Variants in ELMO1 observed in about 807,000 individuals in gnomAD.
ELMO1 encodes engulfment and cell motility 1.
Under a neutral mutation model 98.9 loss-of-function variants are expected in ELMO1, and 26 were observed. That is an observed-to-expected ratio of 0.26 (90% CI 0.19 to 0.36). ELMO1 has a LOEUF of 0.36. Ranked by LOEUF, ELMO1 falls within the 10% of genes least tolerant of loss-of-function variation. The pLI is 1.00. For synonymous variants in ELMO1, 346 were observed against 346.0 expected, an observed-to-expected ratio of 1.00 and a Z score of 0.00; for missense variants, 627 against 935.2, an observed-to-expected ratio of 0.67 and a Z score of 4.30.
chr7:36,858,686 G>A (rs763843845), intron 21 of ELMO1, among the ~76,000 whole-genome samples: 1 of 151,764 alleles, frequency 6.6e-6, no homozygotes, highest in Non-Finnish European at 1.5e-5. Context: ...CAGAGTCAGA[G>A]AAGTGAGAGG....
intron 2 of ELMO1, among the ~76,000 whole-genome samples, chr7:37,319,600 G>T (rs138834216): frequency 6.6e-6 from 1 of 152,164 alleles, no homozygotes; most frequent in East Asian, 1.9e-4. Flanking sequence ...CTTCCCTAGC[G>T]AATCAACCCA....
intron 15 of ELMO1, among the ~76,000 whole-genome samples, chr7:37,090,340 A>G (rs1028419156): frequency 6.6e-5 from 10 of 152,188 alleles, no homozygotes; most frequent in African/African-American, 1.7e-4. Flanking sequence ...AGTCTGTCAC[A>G]CCCAGAAAAT....
intron 4 of ELMO1, among the ~76,000 whole-genome samples, chr7:37,292,652 TGA>T (rs1384405986): frequency 9.1e-6 from 1 of 110,058 alleles, no homozygotes; most frequent in Non-Finnish European, 2.1e-5. Flanking sequence ...GTCTGAGAAG[TGA>T]GGAGCCCCTC....
At chr7:37,256,749 AGG>A (rs1795684291) in intron 6 of ELMO1, among the ~76,000 whole-genome samples, 2 of 66,594 alleles carry the variant, frequency 3.0e-5, no homozygotes, top group Non-Finnish European at 5.3e-5. Flanking sequence ...AGGGAAGGGA[AGG>A]GAAGGGAAGG....
At chr7:37,429,029 G>A (rs927365051) in intron 1 of ELMO1, among the ~76,000 whole-genome samples, 12 of 77,922 alleles carry the variant, frequency 1.5e-4, no homozygotes, top group Non-Finnish European at 3.6e-4. Flanking sequence ...GGTTGTTGTT[G>A]TTGTTGTTGT....
chr7:37,383,022 T>C (rs536227117), intron 1 of ELMO1, among the ~76,000 whole-genome samples: 27 of 152,324 alleles, frequency 1.8e-4, no homozygotes, highest in African/African-American at 6.5e-4. Flanking sequence ...CATACTTCAA[T>C]GTATATTTCT....
At chr7:36,940,507 T>C (rs918322031) in intron 16 of ELMO1, among the ~76,000 whole-genome samples, 7 of 152,298 alleles carry the variant, frequency 4.6e-5, no homozygotes, top group Admixed American at 6.5e-5. Flanking sequence ...CAAGATACAA[T>C]TGTAGTTTAG....
intron 2 of ELMO1, among the ~76,000 whole-genome samples, chr7:37,330,543 A>C (rs1800047940): frequency 6.6e-6 from 1 of 152,124 alleles, no homozygotes; most frequent in Admixed American, 6.5e-5. Flanking sequence ...CTCAGATAGT[A>C]CTGAACCTGA....
At chr7:37,366,554 G>T (rs528281156) in intron 1 of ELMO1, among the ~76,000 whole-genome samples, 1 of 152,268 alleles carries the variant, frequency 6.6e-6, no homozygotes, top group East Asian at 1.9e-4. Context: ...CAAAGTTATG[G>T]AGTCACACAT....
At chr7:37,417,694 T>C (rs1353717215) in intron 1 of ELMO1, among the ~76,000 whole-genome samples, 1 of 114,920 alleles carries the variant, frequency 8.7e-6, no homozygotes, top group Non-Finnish European at 2.1e-5. Context: ...AAGCAAAAAT[T>C]AGCTGGGTGT....
intron 15 of ELMO1, among the ~76,000 whole-genome samples, chr7:37,062,954 G>T (rs1032612116): frequency 2.0e-5 from 3 of 152,174 alleles, no homozygotes; most frequent in African/African-American, 7.2e-5. Flanking sequence ...AGCCCAATAA[G>T]TGGGAGCCTA....
At chr7:36,912,223 T>C (rs1259075889) in intron 16 of ELMO1, among the ~76,000 whole-genome samples, 1 of 152,180 alleles carries the variant, frequency 6.6e-6, no homozygotes, top group East Asian at 1.9e-4. Flanking sequence ...AGATACTGCA[T>C]AGATGTACTG....
chr7:37,113,960 A>G (rs1383517140), intron 14 of ELMO1, among the ~76,000 whole-genome samples: 3 of 152,164 alleles, frequency 2.0e-5, no homozygotes, highest in Non-Finnish European at 4.4e-5. Context: ...AGAGTTCTGT[A>G]GTTTAAGCCA....
At chr7:37,322,309 C>T (rs980943663) in intron 2 of ELMO1, among the ~76,000 whole-genome samples, 19 of 151,784 alleles carry the variant, frequency 1.3e-4, no homozygotes, top group Admixed American at 1.2e-3. Context: ...AAAACCTCAT[C>T]TCTACAAAAA....
In ELMO1 at chr7:37,091,154, C is replaced by A. The variant is rs142077334; in HGVS notation, c.1300+5465G>T. ...CAGAGTTTCATTCTTGTCACCCAGG[C>A]TGGAGTACAATGGGGCAATATCGAC... On this transcript the variant is annotated intron_variant, in intron 15 of 21. Transcript: ENST00000310758. 1.1e-4 allele frequency among the ~76,000 whole-genome samples: 16 copies of A among 152,244 alleles called. No homozygotes were observed. In the East Asian group the frequency reaches 2.7e-3, roughly 26 times the overall value.
chr7:37,193,231 T>TGA (rs898539449), intron 13 of ELMO1, among the ~76,000 whole-genome samples: 3 of 151,866 alleles, frequency 2.0e-5, no homozygotes, highest in African/African-American at 7.3e-5. Flanking sequence ...GGATTCTTGG[T>TGA]GAGGGGGGAG....
Position 37,008,791 on chromosome 7 carries a change from C to T in ELMO1, c.1437+4508G>A, listed in dbSNP as rs117755770. On this transcript the variant is annotated intron_variant, in intron 16 of 21. Transcript: ENST00000310758. ...ACAAGCATCCTACTCCATCAATGCA[C>T]GAAATTTACAGTAGCTTGTGATAAG... Among the ~76,000 whole-genome samples the T allele has an allele frequency of 7.9e-5, 12 of 152,212 alleles. No individual in the cohort carries two copies. In the South Asian group the frequency reaches 1.0e-3, roughly 13 times the overall value.
intron 2 of ELMO1, among the ~76,000 whole-genome samples, chr7:37,329,891 G>A (rs1284134679): frequency 6.6e-6 from 1 of 152,164 alleles, no homozygotes; most frequent in Non-Finnish European, 1.5e-5. Context: ...CCCAGTTCAT[G>A]GCATAGTTGT....
intron 16 of ELMO1, among the ~76,000 whole-genome samples, chr7:36,923,448 A>G (rs1331124861): frequency 1.3e-5 from 2 of 152,200 alleles, no homozygotes; most frequent in Admixed American, 6.5e-5. Flanking sequence ...GAAGAAAATA[A>G]TGATAAAAAC....
Sources: allele counts gnomAD v4.1 joint callset (sites outside exome capture counted in the v4.1 genomes callset), GRCh38; gene constraint gnomAD v4.1.1; transcripts MANE v1.5; gene names NCBI Gene and HGNC (gene_info 2026-07-23, HGNC 2026-07-21).